TREH: variants seen among roughly 807,000 people sequenced by gnomAD.
The protein encoded by TREH is trehalase, also known as alpha,alpha-trehalose glucohydrolase.
Under a neutral mutation model 80.5 loss-of-function variants are expected in TREH, and 69 were observed. The ratio of observed to expected loss-of-function variants is 0.86; its 90% CI spans 0.71 to 1.05. TREH has a LOEUF of 1.05. Among genes scored for constraint, TREH ranks in the 50% least tolerant of loss-of-function variants. The pLI, the probability that TREH is intolerant of heterozygous loss-of-function variation, is 0.00. For synonymous variants in TREH, 309 were observed against 293.5 expected, an observed-to-expected ratio of 1.05 and a Z score of -0.54; for missense variants, 716 against 718.8, an observed-to-expected ratio of 1.00 and a Z score of 0.04.
chr11:118,664,121 C>G (rs553298331), intron 1 of TREH, among the ~76,000 whole-genome samples: 1 of 152,216 alleles, frequency 6.6e-6, no homozygotes, highest in African/African-American at 2.4e-5. Context: ...GAGCAGGAAG[C>G]CTCTTTCCCC....
chr11:118,674,990 A>G lies in TREH; in HGVS notation c.89+4549T>C, dbSNP rs1949463096. Among the ~76,000 whole-genome samples, 1 of 152,206 alleles carries G rather than the reference A, an allele frequency of 6.6e-6. No individual in the cohort carries two copies. Among genetic ancestry groups the G allele is most frequent in the African/African-American group, 2.4e-5 (1 of 41,436 alleles). ...TTTACTTTCAGTTTGGCTATTAGAG[A>G]TAAAAGTCTATAGGGATTGTATATT... is the stretch of plus-strand genomic sequence containing the variant. On this transcript the variant is annotated intron_variant, in intron 1 of 14. Transcript: ENST00000264029. The surrounding 1 kb of genome is among the most constrained non-coding windows in gnomAD (Gnocchi z 4.4).
At position 118,679,554 on chromosome 11, in the gene TREH, G is replaced by A. The variant is rs577630349; in HGVS notation, c.74C>T (p.Pro25Leu). ...GLGLGSQEAL[P>L]PPCESEIYCH... Reference sequence around the variant, plus strand: ...ACACCCCTACCTCTCACAGGGTGGGGGTAGGGCCTCCTGGGACCCCAGTCC... The same window carrying A: ...ACACCCCTACCTCTCACAGGGTGGGAGTAGGGCCTCCTGGGACCCCAGTCC... Residue 25 changes from proline to leucine, a missense_variant, in exon 1 of 15, where the codon CCC becomes CTC. Transcript: ENST00000264029. 2 of 1,540,716 alleles carry A rather than the reference G, an allele frequency of 1.3e-6. No individual in the cohort carries two copies. Among genetic ancestry groups the A allele is most frequent in the African/African-American group, 1.4e-5 (1 of 73,380 alleles).
chr11:118,663,179 A>C lies in TREH; in HGVS notation c.208T>G (p.Phe70Val). ...TTGTGGTCCCTGGACAGCTCAGTGA[A>C]GGTCTGCAGGACTTGTTCTGGAGAG... ...SIAPEQVLQT[F>V]TELSRDHNHS... The change falls in exon 3 of 15, where the codon TTC becomes GTC. Residue 70 changes from phenylalanine (F) to valine (V), a missense_variant. Physicochemically the swap from Phe to Val is conservative, Grantham distance 50. Coordinates refer to ENST00000264029, the MANE Select transcript of TREH (RefSeq NM_007180.3). The C allele has an allele frequency of 6.2e-7, 1 of 1,611,574 alleles. No individual in the cohort carries two copies. The highest frequency in any genetic ancestry group is 8.5e-7 in the Non-Finnish European group (1 of 1,178,812).
intron 1 of TREH, among the ~76,000 whole-genome samples, chr11:118,669,003 A>G (rs1218939058): frequency 1.3e-5 from 2 of 152,234 alleles, no homozygotes; most frequent in Non-Finnish European, 2.9e-5. Context: ...AGAACTGAAT[A>G]GACATTACTC....
chr11:118,660,876 G>T lies in TREH; in HGVS notation c.897C>A (p.Thr299=). ...CCTCCTGCTGCTCACCTTCTGGCAA[G>T]GTGTCAGCCAACTCCACATCTTTGC... ...SYSKDVELAD[T]LPEGDREALW... Residue 299 remains threonine (T), a synonymous_variant, in exon 9 of 15, where the codon ACC becomes ACA. Transcript: ENST00000264029. 6.4e-7 allele frequency: 1 copy of T among 1,569,654 alleles called. No individual in the cohort carries two copies. Among genetic ancestry groups the T allele is most frequent in the Admixed American group, 1.9e-5 (1 of 53,496 alleles).
chr11:118,677,345 C>T (rs1162693255), intron 1 of TREH, among the ~76,000 whole-genome samples: 1 of 152,232 alleles, frequency 6.6e-6, no homozygotes, highest in Non-Finnish European at 1.5e-5. Context: ...AGAGGAAAAA[C>T]TGGAAGATTG....
At chr11:118,662,746 G>T in intron 4 of TREH, 135 bp downstream of exon 4, 2 of 951,078 alleles carry the variant, frequency 2.1e-6, no homozygotes, top group Non-Finnish European at 3.2e-6. Flanking sequence ...GCCTCTATTT[G>T]GGGACCCAGG....
At chr11:118,675,805 G>C (rs1301507668) in intron 1 of TREH, among the ~76,000 whole-genome samples, 1 of 152,182 alleles carries the variant, frequency 6.6e-6, no homozygotes, top group African/African-American at 2.4e-5. Context: ...CCAGGTCAAT[G>C]ATTCTCACGT....
intron 1 of TREH, among the ~76,000 whole-genome samples, chr11:118,678,909 T>C (rs138934048): frequency 3.0e-4 from 46 of 152,322 alleles, no homozygotes; most frequent in Non-Finnish European, 5.6e-4. Context: ...GCCCTTAGGC[T>C]GCCTCTCACA....
At chr11:118,659,518 GGCTGGACTGGGAGCCAGGACAGGAC>G (rs1949283549) in intron 11 of TREH, 37 bp from the exon 12 acceptor site, 2 of 1,504,334 alleles carry the variant, frequency 1.3e-6, no homozygotes, top group African/African-American at 1.4e-5. Flanking sequence ...CTGTGGGTGG[GGCTGGACTGGGAGCCAGGACAGGAC>G]GCTGGACCCC....
At position 118,674,443 on chromosome 11, in the gene TREH, T is replaced by G. The variant is rs975589857; in HGVS notation, c.89+5096A>C. Among the ~76,000 whole-genome samples, 1 of 152,226 alleles carries G rather than the reference T, an allele frequency of 6.6e-6. No homozygotes were observed. The highest frequency in any genetic ancestry group is 6.5e-5 in the Admixed American group (1 of 15,274). ...TACAATACTAGGTAGTGGAAATATTTCCTGGTCAGATACAATATCCATCCC... is the reference window on the plus strand; with the variant it reads ...TACAATACTAGGTAGTGGAAATATTGCCTGGTCAGATACAATATCCATCCC... On this transcript the variant is annotated intron_variant, in intron 1 of 14. Transcript: ENST00000264029. This position sits in a 1 kb window ranked among gnomAD's most constrained non-coding sequence, Gnocchi z 4.4.
At position 118,658,233 on chromosome 11, in the gene TREH, C is replaced by T. The variant is rs2137250156; in HGVS notation, c.*56G>A. 1.3e-6 allele frequency: 2 copies of T among 1,536,636 alleles called. No homozygotes were observed. The highest frequency in any genetic ancestry group is 2.5e-5 in the South Asian group (2 of 81,168). On this transcript the variant is annotated 3_prime_UTR_variant, in exon 15 of 15. Coordinates refer to ENST00000264029, the MANE Select transcript of TREH (RefSeq NM_007180.3). ...ATGAAGAGGCAGGGGAAGGCAGGAACTGGTGCAGAGGTTTAATGGGGCAGG... is the reference window on the plus strand; with the variant it reads ...ATGAAGAGGCAGGGGAAGGCAGGAATTGGTGCAGAGGTTTAATGGGGCAGG...
Position 118,662,886 on chromosome 11 carries a change from T to G in TREH, c.418A>C (p.Lys140Gln), listed in dbSNP as rs1406866500. 6 of 1,585,176 alleles carry G rather than the reference T, an allele frequency of 3.8e-6. No homozygotes were observed. The highest frequency in any genetic ancestry group is 5.1e-6 in the Non-Finnish European group (6 of 1,165,478). ...CAGGCCCAGGACGCTGATACCTTCTTCCCCAGCTTCTTCCAGAGCTGATGC... is the reference window on the plus strand; with the variant it reads ...CAGGCCCAGGACGCTGATACCTTCTGCCCCAGCTTCTTCCAGAGCTGATGC... ...QLHQLWKKLGKKMKPEVLSHP... is the reference protein window; with the variant it reads ...QLHQLWKKLGQKMKPEVLSHP... The change falls in exon 4 of 15, where the codon AAG becomes CAG. Residue 140 changes from lysine (K) to glutamine (Q), a missense_variant. Coordinates refer to ENST00000264029, the MANE Select transcript of TREH (RefSeq NM_007180.3).
At position 118,661,075 on chromosome 11, in the gene TREH, ACTC is replaced by A. The variant is rs1555144855; in HGVS notation, c.857+82_857+84del. 6.2e-5 allele frequency: 99 copies of A among 1,595,022 alleles called. 1 individual carries two copies. In the South Asian group the frequency reaches 9.1e-4, roughly 15 times the overall value. ...ACCATCTGAGAGGCCAGGCTAAGTC[ACTC>A]CTCCTCCTGCCCGGGGCATTGTGAT... On this transcript the variant is annotated intron_variant, in intron 8 of 14. Coordinates refer to ENST00000264029, the MANE Select transcript of TREH (RefSeq NM_007180.3). The surrounding 1 kb of genome is among the most constrained non-coding windows in gnomAD (Gnocchi z 4.2).
chr11:118,658,548 T>C, intron 14 of TREH, 107 bp from the exon 15 acceptor site: 14 of 1,521,556 alleles, frequency 9.2e-6, no homozygotes, highest in Non-Finnish European at 1.2e-5. Flanking sequence ...ACCCCAGCGG[T>C]ACAGGAAGCA....
At chr11:118,668,300 A>T (rs1336123246) in intron 1 of TREH, among the ~76,000 whole-genome samples, 5 of 152,176 alleles carry the variant, frequency 3.3e-5, no homozygotes, top group African/African-American at 9.7e-5. Flanking sequence ...ATCAAAAAAA[A>T]AAAATAAAAC....
chr11:118,659,337 G>C (rs1167170382), intron 12 of TREH, 33 bp downstream of exon 12: 2 of 1,490,872 alleles, frequency 1.3e-6, no homozygotes, highest in Non-Finnish European at 1.8e-6. Flanking sequence ...ACCCTGGGAA[G>C]GGTCCTTGGC....
rs1385746044 is a variant in TREH, at chr11:118,660,569, C to T, written c.1072G>A (p.Glu358Lys). 35 of 1,609,662 alleles carry T rather than the reference C, an allele frequency of 2.2e-5. No homozygotes were observed. Among genetic ancestry groups the T allele is most frequent in the Non-Finnish European group, 2.8e-5 (33 of 1,177,824 alleles). ...DLNAFLCQAE[E>K]LMSNFYSRLG... ...CTGGAATAGAAGTTGCTCATCAGCT[C>T]CTCTGCTTGGCATAGGAAGGCATTC... Residue 358 changes from glutamate to lysine, a missense_variant, in exon 10 of 15, where the codon GAG becomes AAG. Physicochemically the swap from Glu to Lys is moderately conservative, Grantham distance 56. Transcript: ENST00000264029.
chr11:118,659,431 C>G lies in TREH; in HGVS notation c.1371G>C (p.Lys457Asn). 1 of 1,607,872 alleles carries G rather than the reference C, an allele frequency of 6.2e-7. No homozygotes were observed. The highest frequency in any genetic ancestry group is 1.7e-5 in the Admixed American group (1 of 59,266). Reference sequence around the variant, plus strand: ...TGGGGAAATCCCACTGCTGGCCTGTCTTCTGGAGAGAGGTCGGGATCCCAT... The same window carrying G: ...TGGGGAAATCCCACTGCTGGCCTGTGTTCTGGAGAGAGGTCGGGATCCCAT... ...YQYGIPTSLQ[K>N]TGQQWDFPNA... is the part of the protein sequence containing the mutation. The change falls in exon 12 of 15, where the codon AAG becomes AAC. Residue 457 changes from lysine to asparagine, a missense_variant. Physicochemically the swap from Lys to Asn is moderately conservative, Grantham distance 94 (BLOSUM62 0). Coordinates refer to ENST00000264029, the MANE Select transcript of TREH (RefSeq NM_007180.3).
Sources: allele counts gnomAD v4.1 joint callset (sites outside exome capture counted in the v4.1 genomes callset), GRCh38; gene constraint gnomAD v4.1.1; non-coding constraint Gnocchi (gnomAD v3.1); transcripts MANE v1.5; gene names NCBI Gene and HGNC (gene_info 2026-07-23, HGNC 2026-07-21).